KHDRBS2: variants seen among roughly 807,000 people sequenced by gnomAD.
KHDRBS2 encodes the protein KH RNA binding domain containing, signal transduction associated 2.
In KHDRBS2, 26 loss-of-function variants were observed where a neutral mutation model predicts 44.3. The ratio of observed to expected loss-of-function variants is 0.59; its 90% CI spans 0.43 to 0.81. The LOEUF (loss-of-function observed/expected upper bound fraction) is 0.81. Among genes scored for constraint, KHDRBS2 ranks in the 40% least tolerant of loss-of-function variants. KHDRBS2 has a pLI of 0.00. For synonymous variants in KHDRBS2, 194 were observed against 151.1 expected (o/e 1.28, Z -2.08); for missense variants, 476 against 433.1 (o/e 1.10, Z -0.88).
chr6:61,726,845 C>T (rs1034659839), intron 7 of KHDRBS2, among the ~76,000 whole-genome samples: 9 of 152,062 alleles, frequency 5.9e-5, no homozygotes, highest in Admixed American at 4.6e-4. Context: ...GACCACAGTG[C>T]CCAAAGTAAT....
At chr6:61,908,506 C>T (rs1186618403) in intron 4 of KHDRBS2, among the ~76,000 whole-genome samples, 6 of 151,624 alleles carry the variant, frequency 4.0e-5, no homozygotes, top group Admixed American at 3.3e-4. Flanking sequence ...TGGTGGTGAG[C>T]GCCTGTAGTT....
intron 1 of KHDRBS2, among the ~76,000 whole-genome samples, chr6:62,217,002 T>C (rs1830115236): frequency 6.8e-6 from 1 of 147,580 alleles, no homozygotes; most frequent in African/African-American, 2.5e-5. Context: ...AGTCTTTATA[T>C]CTTCTCAGAA....
At chr6:62,165,051 A>C (rs1172218534) in intron 2 of KHDRBS2, among the ~76,000 whole-genome samples, 1 of 151,846 alleles carries the variant, frequency 6.6e-6, no homozygotes, top group Admixed American at 6.6e-5. Context: ...ATTCATATAC[A>C]TTTAGAATTT....
rs143174286 is a variant in KHDRBS2, at chr6:61,853,030, T to C, written c.810+41605A>G. Among the ~76,000 whole-genome samples the C allele has an allele frequency of 4.9e-4, 74 of 152,326 alleles. No individual in the cohort carries two copies. In the Middle Eastern group the frequency reaches 0.024, roughly 49 times the overall value. On this transcript the variant is annotated intron_variant, in intron 6 of 8. Transcript: ENST00000281156. The stretch of plus-strand genomic sequence containing the variant: ...AACCACACACATATTTTTGGGATAC[T>C]GATCTGTTGCCATTGGATCTTGCCC...
chr6:61,779,305 A>G (rs1745535613), intron 6 of KHDRBS2, among the ~76,000 whole-genome samples: 1 of 152,202 alleles, frequency 6.6e-6, no homozygotes, highest in African/African-American at 2.4e-5. Flanking sequence ...GCCATAAAAA[A>G]TAACCCATGG....
the KHDRBS2 span, among the ~76,000 whole-genome samples, chr6:61,548,745 C>T: frequency 6.6e-6 from 1 of 151,866 alleles, no homozygotes; most frequent in African/African-American, 2.4e-5. Context: ...TTAGTGATAT[C>T]AATACCATCA....
chr6:61,827,724 T>C (rs563301981), intron 6 of KHDRBS2, among the ~76,000 whole-genome samples: 1 of 152,272 alleles, frequency 6.6e-6, no homozygotes, highest in Admixed American at 6.5e-5. Flanking sequence ...ACTCTCTTTC[T>C]GGCCTGCAGA....
chr6:62,188,761 A>G (rs1823974541), intron 1 of KHDRBS2, among the ~76,000 whole-genome samples: 1 of 152,156 alleles, frequency 6.6e-6, no homozygotes, highest in Non-Finnish European at 1.5e-5. Context: ...AAAGTCTACC[A>G]CTTCTGAAAA....
chr6:62,025,557 T>A (rs1457443071), intron 3 of KHDRBS2, among the ~76,000 whole-genome samples: 4 of 151,858 alleles, frequency 2.6e-5, no homozygotes, highest in African/African-American at 9.7e-5. Context: ...AAGACCTCAA[T>A]ACCATTATCA....
chr6:62,242,332 T>C (rs888928454), intron 1 of KHDRBS2, among the ~76,000 whole-genome samples: 2 of 152,190 alleles, frequency 1.3e-5, no homozygotes, highest in African/African-American at 4.8e-5. Flanking sequence ...TTCTTCCACT[T>C]ACTGAAAATA....
chr6:61,921,082 C>A (rs1479704120), intron 4 of KHDRBS2, among the ~76,000 whole-genome samples: 1 of 151,856 alleles, frequency 6.6e-6, no homozygotes, highest in East Asian at 1.9e-4. Flanking sequence ...CTTTTAAATT[C>A]AATTCACTTA....
intron 1 of KHDRBS2, among the ~76,000 whole-genome samples, chr6:62,262,286 G>A (rs1451547740): frequency 6.6e-6 from 1 of 151,630 alleles, no homozygotes; most frequent in African/African-American, 2.4e-5. Context: ...CATTCTCTTA[G>A]TACAAAACCA....
chr6:62,115,746 A>G (rs1244042326), intron 2 of KHDRBS2, among the ~76,000 whole-genome samples: 1 of 152,156 alleles, frequency 6.6e-6, no homozygotes, highest in African/African-American at 2.4e-5. Flanking sequence ...CTACACATAT[A>G]GTGAATCTCT....
chr6:61,554,210 G>T, the KHDRBS2 span, among the ~76,000 whole-genome samples: 411 of 152,268 alleles, frequency 2.7e-3, 5 homozygotes, highest in Middle Eastern at 0.01. Flanking sequence ...ATTTAGGATA[G>T]TTAGGTCTTC....
At chr6:62,203,938 T>G (rs1258045728) in intron 1 of KHDRBS2, among the ~76,000 whole-genome samples, 3 of 152,098 alleles carry the variant, frequency 2.0e-5, no homozygotes, top group Non-Finnish European at 4.4e-5. Context: ...TGGTAACAAA[T>G]AAGTTCTCAC....
chr6:61,652,319 T>G, the KHDRBS2 span: 17 of 152,056 alleles, frequency 1.1e-4, no homozygotes, highest in Non-Finnish European at 5.9e-5. Context: ...GAAGAAAATC[T>G]GTGGAGAAAA....
At chr6:61,655,089 A>G in the KHDRBS2 span, among the ~76,000 whole-genome samples, 2 of 151,976 alleles carry the variant, frequency 1.3e-5, no homozygotes, top group Admixed American at 6.6e-5. Flanking sequence ...GTGGATTCAA[A>G]GGCAAACATG....
At chr6:61,979,693 G>A (rs548468243) in intron 3 of KHDRBS2, among the ~76,000 whole-genome samples, 1 of 152,092 alleles carries the variant, frequency 6.6e-6, no homozygotes, top group Non-Finnish European at 1.5e-5. Flanking sequence ...TTCAACTTGA[G>A]AGCTTTTCTT....
intron 6 of KHDRBS2, among the ~76,000 whole-genome samples, chr6:61,888,561 CTT>C (rs139822708): frequency 0.41 from 45,673 of 111,270 alleles, 8,438 homozygotes; most frequent in East Asian, 0.54. Context: ...TTTCTAATTC[CTT>C]TTTTTTTTTT....
Sources: gnomAD v4.1 joint callset for allele counts (sites outside exome capture counted in the v4.1 genomes callset) on GRCh38, gnomAD v4.1.1 for gene constraint, MANE v1.5 for transcripts, NCBI Gene and HGNC (gene_info 2026-07-23, HGNC 2026-07-21) for gene names.